The following FAF1 variants were observed in gnomAD, a reference collection of about 807,000 sequenced individuals.
FAF1 encodes Fas associated factor 1.
In FAF1, 25 loss-of-function variants were observed where a neutral mutation model predicts 92.5. That is an observed-to-expected ratio of 0.27 (90% CI 0.20 to 0.38). The LOEUF is 0.38. Among genes scored for constraint, FAF1 ranks in the 10% least tolerant of loss-of-function variants. The pLI is 1.00. For missense variants in FAF1, 636 were observed against 793.3 expected, an observed-to-expected ratio of 0.80 and a Z score of 2.38; for synonymous variants, 234 against 273.2, an observed-to-expected ratio of 0.86 and a Z score of 1.42.
rs1368758336 is a variant in FAF1 at position 50,959,988 on chromosome 1, G to GCTCATGCA, written c.-185_-178dup. ...CGGGGCAGCGCGGGAAGCGCTAGGC[G>GCTCATGCA]CTCATGCACTCGGTAACCTTCAGGC... is the stretch of plus-strand genomic sequence containing the variant. On this transcript the variant is annotated 5_prime_UTR_variant, in exon 1 of 19. In the 5' UTR this introduces an upstream ATG that the reference lacks. Transcript: ENST00000396153. 5.3e-5 allele frequency: 21 copies of GCTCATGCA among 392,872 alleles called. 1 individual carries two copies. The highest frequency in any genetic ancestry group is 1.2e-4 in the African/African-American group (6 of 48,174). 24.3% of individuals were successfully genotyped at this position (392,872 alleles called of 1,614,324 possible). A position where few individuals can be genotyped will look rare whatever the true frequency, so the allele number is the denominator to read the frequency against.
rs138979795 is a variant in FAF1, at chr1:50,648,088, G to A, written c.744+7354C>T. ...AGCCTGGCCGACATAGTGAAACCCCGTCTCTACTAATAATACAAAAATTAG... is the reference window on the plus strand; with the variant it reads ...AGCCTGGCCGACATAGTGAAACCCCATCTCTACTAATAATACAAAAATTAG... On this transcript the variant is annotated intron_variant, in intron 8 of 18. Coordinates refer to ENST00000396153, the MANE Select transcript of FAF1 (RefSeq NM_007051.3). Among the ~76,000 whole-genome samples the A allele has an allele frequency of 1.3e-4, 20 of 152,078 alleles. No individual in the cohort carries two copies. The East Asian group carries it at 3.3e-3, about 25-fold the overall frequency.
intron 15 of FAF1, among the ~76,000 whole-genome samples, chr1:50,513,164 G>A (rs539800534): frequency 3.9e-5 from 6 of 152,242 alleles, no homozygotes; most frequent in African/African-American, 1.4e-4. Flanking sequence ...TGACTTAGAA[G>A]GCCTCATCTA....
At chr1:50,467,581 G>A (rs1239989905) in intron 18 of FAF1, among the ~76,000 whole-genome samples, 2 of 152,052 alleles carry the variant, frequency 1.3e-5, no homozygotes, top group African/African-American at 2.4e-5. Context: ...CCAAAGTGCT[G>A]GAATTACAGA....
At chr1:50,768,896 A>G (rs1454608572) in intron 4 of FAF1, among the ~76,000 whole-genome samples, 2 of 152,124 alleles carry the variant, frequency 1.3e-5, no homozygotes, top group African/African-American at 4.8e-5. Context: ...AGAAACAAGA[A>G]GAAACCAATT....
chr1:50,890,365 A>G (rs1443378019), intron 1 of FAF1, among the ~76,000 whole-genome samples: 4 of 152,134 alleles, frequency 2.6e-5, no homozygotes, highest in African/African-American at 9.7e-5. Context: ...ATTTACATTT[A>G]AGGTTAATAT....
intron 8 of FAF1, among the ~76,000 whole-genome samples, chr1:50,625,534 AAGAGAAATGTC>A (rs1464718052): frequency 6.6e-6 from 1 of 152,258 alleles, no homozygotes; most frequent in Non-Finnish European, 1.5e-5. Flanking sequence ...TGAAGACTTC[AAGAGAAATGTC>A]ACAAAGGAGT....
Position 50,960,212 on chromosome 1 carries a change from C to G in FAF1, c.-401G>C, listed in dbSNP as rs1237488710. Reference sequence around the variant, plus strand: ...AGCGAGCGAGCGGGCGGGCGAACGCCGCGGCCGCCTCCGCCTCCTCCGCTT... The same window carrying G: ...AGCGAGCGAGCGGGCGGGCGAACGCGGCGGCCGCCTCCGCCTCCTCCGCTT... On this transcript the variant is annotated 5_prime_UTR_variant, in exon 1 of 19. Coordinates refer to ENST00000396153, the MANE Select transcript of FAF1 (RefSeq NM_007051.3). 2 of 329,312 alleles carry G rather than the reference C, an allele frequency of 6.1e-6. No individual in the cohort carries two copies. The highest frequency in any genetic ancestry group is 1.1e-5 in the Non-Finnish European group (2 of 180,414). 20.4% of individuals were successfully genotyped at this position (329,312 alleles called of 1,614,324 possible).
chr1:50,707,036 T>C (rs1302955035), intron 6 of FAF1, among the ~76,000 whole-genome samples: 2 of 151,994 alleles, frequency 1.3e-5, no homozygotes, highest in Non-Finnish European at 2.9e-5. Flanking sequence ...ACCCCGTCTC[T>C]ACTAAAAATG....
intron 4 of FAF1, among the ~76,000 whole-genome samples, chr1:50,786,983 A>G (rs1156976132): frequency 1.3e-5 from 2 of 152,242 alleles, no homozygotes; most frequent in Admixed American, 6.5e-5. Context: ...ATAAAATTCT[A>G]CAAGGATCTC....
At chr1:50,687,340 G>A (rs1173111457) in intron 7 of FAF1, among the ~76,000 whole-genome samples, 3 of 129,630 alleles carry the variant, frequency 2.3e-5, no homozygotes, top group Non-Finnish European at 4.7e-5. Flanking sequence ...ACCAATTCCA[G>A]AACGTTTTAT....
chr1:50,654,829 T>A (rs1655030610), intron 8 of FAF1, among the ~76,000 whole-genome samples: 1 of 152,154 alleles, frequency 6.6e-6, no homozygotes, highest in Non-Finnish European at 1.5e-5. Flanking sequence ...CAAAGTCAAA[T>A]CCAGCAGCAT....
chr1:50,485,224 T>TA (rs956465906), intron 17 of FAF1, among the ~76,000 whole-genome samples: 6 of 151,942 alleles, frequency 3.9e-5, no homozygotes, highest in African/African-American at 1.5e-4. Context: ...GCCTCCCAAG[T>TA]AGCTGGGATT....
chr1:50,555,538 C>T (rs906559204), intron 13 of FAF1, among the ~76,000 whole-genome samples: 4 of 151,912 alleles, frequency 2.6e-5, no homozygotes, highest in African/African-American at 9.7e-5. Context: ...CAGGGAAATG[C>T]AAATTAAAAC....
At position 50,960,226 on chromosome 1, in the gene FAF1, C is replaced by A. The variant is rs1645306968; in HGVS notation, c.-415G>T. On this transcript the variant is annotated 5_prime_UTR_variant, in exon 1 of 19. Transcript: ENST00000396153. ...CGGGCGAACGCCGCGGCCGCCTCCGCCTCCTCCGCTTCCTCCCTGGCCGCC... is the reference window on the plus strand; with the variant it reads ...CGGGCGAACGCCGCGGCCGCCTCCGACTCCTCCGCTTCCTCCCTGGCCGCC... The A allele has an allele frequency of 3.0e-6, 1 of 334,368 alleles. No individual in the cohort carries two copies. The highest frequency in any genetic ancestry group is 2.2e-5 in the African/African-American group (1 of 46,230). The allele number at this position is 334,368 out of a possible 1,614,324, so 20.7% of individuals were successfully genotyped here.
chr1:50,708,473 A>T (rs1009690054), intron 6 of FAF1, among the ~76,000 whole-genome samples: 1 of 152,110 alleles, frequency 6.6e-6, no homozygotes, highest in Non-Finnish European at 1.5e-5. Context: ...GTTTTCGTTC[A>T]AAGTTTGAGA....
At chr1:50,534,484 T>C (rs966344449) in intron 15 of FAF1, among the ~76,000 whole-genome samples, 2 of 152,092 alleles carry the variant, frequency 1.3e-5, no homozygotes, top group South Asian at 2.1e-4. Flanking sequence ...GGTTTCACCA[T>C]GTTGGCCAAG....
chr1:50,781,942 A>C (rs1327429071), intron 4 of FAF1, among the ~76,000 whole-genome samples: 1 of 152,220 alleles, frequency 6.6e-6, no homozygotes, highest in Admixed American at 6.5e-5. Context: ...TCCTGAGCTG[A>C]ATAACTCCTA....
At chr1:50,786,501 T>A (rs1661369531) in intron 4 of FAF1, among the ~76,000 whole-genome samples, 1 of 152,218 alleles carries the variant, frequency 6.6e-6, no homozygotes, top group Non-Finnish European at 1.5e-5. Flanking sequence ...TTCAGTTATG[T>A]AAGATGAAAA....
chr1:50,498,382 T>C (rs1646927305), intron 15 of FAF1, among the ~76,000 whole-genome samples: 1 of 151,942 alleles, frequency 6.6e-6, no homozygotes, highest in Admixed American at 6.6e-5. Flanking sequence ...ATTGAAAGCA[T>C]AAAAAGAAAA....
Sources: allele counts gnomAD v4.1 joint callset (sites outside exome capture counted in the v4.1 genomes callset), GRCh38; gene constraint gnomAD v4.1.1; transcripts MANE v1.5; gene names NCBI Gene and HGNC (gene_info 2026-07-23, HGNC 2026-07-21).